Variants in PCDH9 observed in about 807,000 individuals in gnomAD.
The protein encoded by PCDH9 is protocadherin 9.
Under a neutral mutation model 70.6 loss-of-function variants are expected in PCDH9, and 24 were observed. That is an observed-to-expected ratio of 0.34 (90% CI 0.25 to 0.48). PCDH9 has a LOEUF of 0.48. PCDH9 is among the 20% of genes least tolerant of loss of function. The pLI is 0.99. For missense variants in PCDH9, 1,281 were observed against 1,503.6 expected, an observed-to-expected ratio of 0.85 and a Z score of 2.45; for synonymous variants, 562 against 558.5, an observed-to-expected ratio of 1.01 and a Z score of -0.09.
chr13:66,474,237 C>T (rs1284969140), intron 4 of PCDH9, among the ~76,000 whole-genome samples: 3 of 152,162 alleles, frequency 2.0e-5, no homozygotes, highest in Admixed American at 6.5e-5. Context: ...GAAAACACAG[C>T]TCCATGGCAC....
At chr13:66,708,021 C>T (rs1471011291) in intron 3 of PCDH9, among the ~76,000 whole-genome samples, 1 of 152,096 alleles carries the variant, frequency 6.6e-6, no homozygotes, top group African/African-American at 2.4e-5. Context: ...AAATTGAACA[C>T]AGATAACACT....
At chr13:66,610,661 G>T (rs2077283028) in intron 4 of PCDH9, among the ~76,000 whole-genome samples, 1 of 152,116 alleles carries the variant, frequency 6.6e-6, no homozygotes, top group Admixed American at 6.5e-5. Context: ...AGAGATTACT[G>T]AAGAGTTACT....
chr13:67,153,632 C>T (rs368019312), intron 2 of PCDH9, among the ~76,000 whole-genome samples: 7 of 152,146 alleles, frequency 4.6e-5, no homozygotes, highest in Admixed American at 6.5e-5. Flanking sequence ...AAATGCCTTA[C>T]ACATTAAGGG....
intron 4 of PCDH9, among the ~76,000 whole-genome samples, chr13:66,351,331 A>G (rs1398186247): frequency 3.3e-5 from 5 of 152,138 alleles, no homozygotes; most frequent in Non-Finnish European, 5.9e-5. Context: ...CCCATTTTAC[A>G]TCTTTCATGC....
intron 3 of PCDH9, among the ~76,000 whole-genome samples, chr13:66,848,695 G>A (rs1283941777): frequency 6.6e-6 from 1 of 152,044 alleles, no homozygotes; most frequent in Non-Finnish European, 1.5e-5. Context: ...CTGGGAGGCT[G>A]AGGCGGGCGG....
intron 4 of PCDH9, among the ~76,000 whole-genome samples, chr13:66,500,563 G>T (rs932150450): frequency 2.0e-4 from 31 of 151,886 alleles, no homozygotes; most frequent in Non-Finnish European, 2.5e-4. Flanking sequence ...TTACTGGTTG[G>T]TAAGAAGTGC....
chr13:66,758,966 T>C (rs991584582), intron 3 of PCDH9, among the ~76,000 whole-genome samples: 8 of 152,080 alleles, frequency 5.3e-5, no homozygotes, highest in African/African-American at 1.9e-4. Context: ...GCATTAATTA[T>C]AATATCTCCC....
intron 2 of PCDH9, chr13:67,209,421 G>A (rs1483706316): frequency 6.6e-6 from 1 of 152,030 alleles, no homozygotes; most frequent in Non-Finnish European, 1.5e-5. Context: ...TGGCATTTCT[G>A]GAACTATTTA....
intron 2 of PCDH9, among the ~76,000 whole-genome samples, chr13:67,168,469 T>C (rs907676354): frequency 6.6e-6 from 1 of 152,136 alleles, no homozygotes; most frequent in Non-Finnish European, 1.5e-5. Flanking sequence ...GGCTCACACT[T>C]GTCATCCCAA....
At chr13:66,633,572 C>A (rs2077599394) in intron 3 of PCDH9, among the ~76,000 whole-genome samples, 2 of 152,060 alleles carry the variant, frequency 1.3e-5, no homozygotes, top group African/African-American at 4.8e-5. Context: ...TCAAACATAG[C>A]TTTTACAGTG....
Position 66,427,306 on chromosome 13 carries a change from T to C in PCDH9, c.3341-122278A>G, listed in dbSNP as rs181682018. On this transcript the variant is annotated intron_variant, in intron 4 of 4. Coordinates refer to ENST00000377865, the MANE Select transcript of PCDH9 (RefSeq NM_203487.3). ...TCAATTATCTATAATACTTCTTGAC[T>C]GCACATTCATTGACAAAACAAGCAG... 2.8e-3 allele frequency among the ~76,000 whole-genome samples: 432 copies of C among 151,838 alleles called. 3 individuals are homozygous for C. The highest frequency in any genetic ancestry group is 9.8e-3 in the African/African-American group (409 of 41,540).
In PCDH9 at chr13:67,196,328, T is replaced by C. The variant is rs542453383; in HGVS notation, c.3036+29077A>G. On this transcript the variant is annotated intron_variant, in intron 2 of 4. Coordinates refer to ENST00000377865, the MANE Select transcript of PCDH9 (RefSeq NM_203487.3). ...TTGAGAGGAATAAAGAAATACATCC[T>C]AAAGAAATGGACTGAGAGAGAATGG... Among the ~76,000 whole-genome samples, 61 of 152,162 alleles carry C rather than the reference T, an allele frequency of 4.0e-4. 1 individual carries two copies. In the South Asian group the frequency reaches 0.013, roughly 32 times the overall value.
intron 2 of PCDH9, among the ~76,000 whole-genome samples, chr13:66,904,663 T>C (rs537273612): frequency 6.6e-6 from 1 of 152,150 alleles, no homozygotes; most frequent in South Asian, 2.1e-4. Flanking sequence ...CTACCTTTAC[T>C]ATCTCAAAGT....
At chr13:66,465,723 TTTCA>T (rs1958503507) in intron 4 of PCDH9, among the ~76,000 whole-genome samples, 1 of 151,956 alleles carries the variant, frequency 6.6e-6, no homozygotes, top group Non-Finnish European at 1.5e-5. Context: ...TGAAATTTCC[TTTCA>T]TTATCTACAT....
intron 2 of PCDH9, among the ~76,000 whole-genome samples, chr13:67,004,061 A>C (rs929051574): frequency 7.9e-5 from 12 of 152,102 alleles, no homozygotes; most frequent in African/African-American, 2.4e-4. Context: ...TGTGAAAAAC[A>C]TCCCTATTAT....
intron 2 of PCDH9, among the ~76,000 whole-genome samples, chr13:67,073,656 T>C (rs1349138403): frequency 6.6e-6 from 1 of 152,128 alleles, no homozygotes; most frequent in South Asian, 2.1e-4. Flanking sequence ...TCTAAAACTT[T>C]TGAGGATTTT....
chr13:66,604,226 G>C (rs1484352830), intron 4 of PCDH9, among the ~76,000 whole-genome samples: 1 of 151,922 alleles, frequency 6.6e-6, no homozygotes, highest in African/African-American at 2.4e-5. Flanking sequence ...TCTTCTGCAT[G>C]CTTCAAAGGG....
chr13:66,730,541 A>G (rs991810894), intron 3 of PCDH9, among the ~76,000 whole-genome samples: 3 of 152,144 alleles, frequency 2.0e-5, no homozygotes, highest in Admixed American at 6.6e-5. Context: ...ACCAGTCATC[A>G]CAGTCAAAAC....
chr13:67,019,594 G>T (rs891256161), intron 2 of PCDH9, among the ~76,000 whole-genome samples: 1 of 152,128 alleles, frequency 6.6e-6, no homozygotes, highest in African/African-American at 2.4e-5. Context: ...AGACTGTAGG[G>T]CTAATGAGGG....
Sources: allele counts gnomAD v4.1 joint callset (sites outside exome capture counted in the v4.1 genomes callset), GRCh38; gene constraint gnomAD v4.1.1; transcripts MANE v1.5; gene names NCBI Gene and HGNC (gene_info 2026-07-23, HGNC 2026-07-21).